The following MMS19 variants were observed in gnomAD, a reference collection of about 807,000 sequenced individuals.
The protein encoded by MMS19 is MMS19 nucleotide excision repair protein homolog.
Under a neutral mutation model 129.8 loss-of-function variants are expected in MMS19, and 77 were observed. The observed-to-expected ratio is 0.59, with a 90% CI of 0.49 to 0.72. The LOEUF (loss-of-function observed/expected upper bound fraction) is 0.72, where lower values mean the gene tolerates loss of function less well. MMS19 is among the 30% of genes least tolerant of loss of function. The pLI, the probability that MMS19 is intolerant of heterozygous loss-of-function variation, is 0.00. For missense variants in MMS19, 1,168 were observed against 1,266.3 expected, an observed-to-expected ratio of 0.92 and a Z score of 1.18; for synonymous variants, 491 against 502.8, an observed-to-expected ratio of 0.98 and a Z score of 0.31.
At position 97,478,351 on chromosome 10, in the gene MMS19, C is replaced by T. The variant is rs1358434908; in HGVS notation, c.301G>A (p.Asp101Asn). The T allele has an allele frequency of 3.1e-6, 5 of 1,605,648 alleles. No homozygotes were observed. Among genetic ancestry groups the T allele is most frequent in the Non-Finnish European group, 4.3e-6 (5 of 1,176,222 alleles). ...LILFYENRLKDHHLVIPSVLQ... is the reference protein window; with the variant it reads ...LILFYENRLKNHHLVIPSVLQ... ...ACAGATGGGATCACAAGATGATGGT[C>T]CTTCAGCCGGTTCTCATAGAACAGT... Residue 101 changes from aspartate (D) to asparagine (N), a missense_variant, in exon 4 of 31, where the codon GAC becomes AAC. Asp to Asn is a conservative substitution (Grantham distance 23). Transcript: ENST00000438925.
intron 5 of MMS19, among the ~76,000 whole-genome samples, 178 bp downstream of exon 5, chr10:97,477,677 C>T (rs1395966817): frequency 1.3e-5 from 2 of 152,162 alleles, no homozygotes; most frequent in Non-Finnish European, 1.5e-5. Flanking sequence ...ATGGCATGCA[C>T]CCCTTTCCTT....
At chr10:97,472,808 TGGTGCCCGGGCTG>T (rs991759148) in intron 8 of MMS19, among the ~76,000 whole-genome samples, 25 of 152,120 alleles carry the variant, frequency 1.6e-4, no homozygotes, top group Non-Finnish European at 2.9e-4. Context: ...GGTTTTGCCA[TGGTGCCCGGGCTG>T]GTCTTGAACT....
intron 29 of MMS19, 146 bp downstream of exon 29, chr10:97,459,077 T>G: frequency 1.0e-6 from 1 of 974,086 alleles, no homozygotes; most frequent in Non-Finnish European, 1.5e-6. Context: ...AAAGAATCCT[T>G]GGGCCCAGAA....
chr10:97,495,132 G>T (rs1344874661), intron 1 of MMS19, among the ~76,000 whole-genome samples: 1 of 152,166 alleles, frequency 6.6e-6, no homozygotes, highest in Non-Finnish European at 1.5e-5. Context: ...GTCTAACTTC[G>T]ATTACACAGA....
chr10:97,466,350 C>G (rs959809498), intron 16 of MMS19, among the ~76,000 whole-genome samples, 154 bp downstream of exon 16: 2 of 152,240 alleles, frequency 1.3e-5, no homozygotes, highest in African/African-American at 4.8e-5. Context: ...CTACATCTCT[C>G]CAACTGGTTA....
At chr10:97,486,892 T>TATATATATATATATATATATATAA (rs1564695284) in intron 1 of MMS19, among the ~76,000 whole-genome samples, 1 of 132,196 alleles carries the variant, frequency 7.6e-6, no homozygotes, top group African/African-American at 2.7e-5. Context: ...TATATATATA[T>TATATATATATATATATATATATAA]ATAAAATTAA....
At chr10:97,492,514 A>G (rs1472232711) in intron 1 of MMS19, among the ~76,000 whole-genome samples, 1 of 151,434 alleles carries the variant, frequency 6.6e-6, no homozygotes, top group Non-Finnish European at 1.5e-5. Flanking sequence ...AATTAGAGAA[A>G]AATGAGATAA....
At position 97,477,854 on chromosome 10, in the gene MMS19, C is replaced by T; in HGVS notation, c.423+1G>A. On this transcript the variant is annotated splice_donor_variant, in intron 5 of 30. Transcript: ENST00000438925. LOFTEE classifies it high-confidence loss of function. The stretch of plus-strand genomic sequence containing the variant: ...ATACCAACATGACTGTTATCCCTCA[C>T]CTGTACATGCACTTCCTGGAAGATG... The T allele has an allele frequency of 6.2e-7, 1 of 1,602,050 alleles. No individual in the cohort carries two copies. The highest frequency in any genetic ancestry group is 2.2e-5 in the East Asian group (1 of 44,750).
Position 97,476,854 on chromosome 10 carries a change from G to A in MMS19, c.603C>T (p.Ile201=), listed in dbSNP as rs534700853. The A allele has an allele frequency of 1.2e-6, 2 of 1,614,024 alleles. No individual in the cohort carries two copies. The highest frequency in any genetic ancestry group is 2.2e-5 in the South Asian group (2 of 91,088). Reference sequence around the variant, plus strand: ...ATATACCCAGGCTATAGTCCCTGGAGATGAGGTCATGGACGATGCGGAAGG... The same window carrying A: ...ATATACCCAGGCTATAGTCCCTGGAAATGAGGTCATGGACGATGCGGAAGG... ...LVAFRIVHDL[I]SRDYSLGPFV... is the part of the protein sequence containing the mutation. The change falls in exon 7 of 31, where the codon ATC becomes ATT. Residue 201 remains isoleucine (I), a synonymous_variant. Transcript: ENST00000438925.
chr10:97,467,685 G>T, intron 13 of MMS19, 102 bp from the exon 14 acceptor site: 1 of 1,131,316 alleles, frequency 8.8e-7, no homozygotes, highest in Admixed American at 2.2e-5. Context: ...CCAAGAGATG[G>T]GGGTTTTGCT....
Position 97,467,578 on chromosome 10 carries a change from G to T in MMS19, c.1224C>A (p.Ser408Arg), listed in dbSNP as rs1215362556. Residue 408 changes from serine to arginine, a missense_variant, in exon 14 of 31, where the codon AGC becomes AGA. By Grantham distance (110) the Ser-to-Arg change is moderately radical (BLOSUM62 -1). This residue lies in a region of MMS19 where 831 missense variants were observed against 910.8 expected (regional missense o/e 0.91). Coordinates refer to ENST00000438925, the MANE Select transcript of MMS19 (RefSeq NM_022362.5). The stretch of plus-strand genomic sequence containing the variant: ...GCATTTCAAGGATTGTCCGCCGCTG[G>T]CTGCTCTGTAACGTTTCAAGGGGTA... ...LEQFHKHSQSSQRRTILEMLL... is the reference protein window; with the variant it reads ...LEQFHKHSQSRQRRTILEMLL... The T allele has an allele frequency of 6.2e-7, 1 of 1,613,868 alleles. No homozygotes were observed. Among genetic ancestry groups the T allele is most frequent in the Non-Finnish European group, 8.5e-7 (1 of 1,179,798 alleles).
In MMS19 at chr10:97,478,075, A is replaced by T. The variant is rs142805443; in HGVS notation, c.349-146T>A. ...GCACTAATAGTGAGACTCTTTCTCA[A>T]GCTGATGAGTTCTCTGCAGCTCTTT... On this transcript the variant is annotated intron_variant, in intron 4 of 30. Coordinates refer to ENST00000438925, the MANE Select transcript of MMS19 (RefSeq NM_022362.5). 173 of 666,356 alleles carry T rather than the reference A, an allele frequency of 2.6e-4. 1 individual carries two copies. In the East Asian group the frequency reaches 4.2e-3, roughly 16 times the overall value. The allele number at this position is 666,356 out of a possible 1,614,324, so 41.3% of individuals were successfully genotyped here.
chr10:97,490,203 C>T (rs773073177), intron 1 of MMS19, among the ~76,000 whole-genome samples: 1 of 152,032 alleles, frequency 6.6e-6, no homozygotes, highest in Admixed American at 6.6e-5. Flanking sequence ...CTCAGCCTCC[C>T]GAGTAGCTGG....
At chr10:97,481,361 G>C (rs908170621) in intron 2 of MMS19, among the ~76,000 whole-genome samples, 1 of 152,140 alleles carries the variant, frequency 6.6e-6, no homozygotes, top group Non-Finnish European at 1.5e-5. Context: ...TTTCTCCCCA[G>C]TGGTATGATT....
intron 1 of MMS19, among the ~76,000 whole-genome samples, chr10:97,491,508 T>G (rs1242550456): frequency 6.6e-6 from 1 of 151,550 alleles, no homozygotes; most frequent in Non-Finnish European, 1.5e-5. Flanking sequence ...CTACCAAAAA[T>G]TAAAAAATTA....
chr10:97,482,905 CG>C (rs1256322248), intron 2 of MMS19, among the ~76,000 whole-genome samples: 1 of 151,980 alleles, frequency 6.6e-6, no homozygotes, highest in Non-Finnish European at 1.5e-5. Flanking sequence ...GAACTACAGG[CG>C]CCCGCCACCA....
rs1331545585 is a variant in MMS19, at chr10:97,459,644, GC to G, written c.2739+14del. The G allele has an allele frequency of 4.4e-6, 7 of 1,595,678 alleles. No homozygotes were observed. Among genetic ancestry groups the G allele is most frequent in the East Asian group, 4.6e-5 (2 of 43,534 alleles). On this transcript the variant is annotated intron_variant, in intron 27 of 30. Transcript: ENST00000438925. ...GCTTTGTCCTTTGCTTAGAAGCTCTGCCTGTGGGACTTACCGTGGGCAGCTC... is the reference window on the plus strand; with the variant it reads ...GCTTTGTCCTTTGCTTAGAAGCTCTGCTGTGGGACTTACCGTGGGCAGCTC...
At chr10:97,478,237 C>T (rs2036132029) in intron 4 of MMS19, 67 bp downstream of exon 4, 9 of 1,284,696 alleles carry the variant, frequency 7.0e-6, no homozygotes, top group East Asian at 2.5e-5. Context: ...ACACCCAAAG[C>T]GCAAGGAGAG....
chr10:97,461,409 C>T lies in MMS19; in HGVS notation c.2311+87G>A, dbSNP rs1227629164. 2.7e-6 allele frequency: 4 copies of T among 1,473,800 alleles called. No individual in the cohort carries two copies. The Admixed American group carries it at 8.2e-5, about 30-fold the overall frequency. The allele number at this position is 1,473,800 out of a possible 1,614,324, so 91.3% of individuals were successfully genotyped here. A position where few individuals can be genotyped will look rare whatever the true frequency, so the allele number is the denominator to read the frequency against. The stretch of plus-strand genomic sequence containing the variant: ...GCCCTGTTAATGTTATTAGCAAGCT[C>T]CTTTTAAAAAGAGAATGAGTACTGA... On this transcript the variant is annotated intron_variant, in intron 23 of 30. Transcript: ENST00000438925.
Sources: allele counts gnomAD v4.1 joint callset (sites outside exome capture counted in the v4.1 genomes callset), GRCh38; gene constraint gnomAD v4.1.1; regional missense constraint gnomAD v4.1.1; transcripts MANE v1.5; gene names NCBI Gene and HGNC (gene_info 2026-07-23, HGNC 2026-07-21).